Variants in RTN1 observed in about 807,000 individuals in gnomAD.
RTN1 encodes reticulon 1.
In RTN1, 25 loss-of-function variants were observed where a neutral mutation model predicts 65.5. The observed-to-expected ratio is 0.38, with a 90% confidence interval of 0.28 to 0.53. The LOEUF (loss-of-function observed/expected upper bound fraction) is 0.53. Among genes scored for constraint, RTN1 ranks in the 20% least tolerant of loss-of-function variants. The probability of loss-of-function intolerance (pLI) is 0.79; values close to 1 mark genes in which losing one functional copy is unlikely to be tolerated. For synonymous variants in RTN1, 471 were observed against 447.6 expected (o/e 1.05, Z -0.66); for missense variants, 983 against 1,025.4 (o/e 0.96, Z 0.57).
intron 1 of RTN1, among the ~76,000 whole-genome samples, chr14:59,869,570 T>C (rs1887855251): frequency 1.4e-5 from 1 of 69,970 alleles, no homozygotes; most frequent in Non-Finnish European, 2.6e-5. Flanking sequence ...CCCAGGGCAA[T>C]TTCCGGGGTG....
chr14:59,854,941 A>G (rs1887578460), intron 1 of RTN1, among the ~76,000 whole-genome samples: 1 of 152,200 alleles, frequency 6.6e-6, no homozygotes, highest in African/African-American at 2.4e-5. Context: ...TTCATAAGTA[A>G]CTTAGCTTAT....
intron 3 of RTN1, among the ~76,000 whole-genome samples, chr14:59,692,830 G>T (rs1883989075): frequency 6.6e-6 from 1 of 151,958 alleles, no homozygotes; most frequent in Admixed American, 6.6e-5. Flanking sequence ...CTACTAAAAA[G>T]GCAAAAATAA....
At chr14:59,731,184 G>A (rs1594706445) in intron 2 of RTN1, among the ~76,000 whole-genome samples, 2 of 152,178 alleles carry the variant, frequency 1.3e-5, no homozygotes, top group Admixed American at 1.3e-4. Context: ...ATAAAAAGGA[G>A]TGAAGTACTG....
At chr14:59,717,889 A>G (rs1262047500) in intron 3 of RTN1, among the ~76,000 whole-genome samples, 1 of 152,246 alleles carries the variant, frequency 6.6e-6, no homozygotes, top group Non-Finnish European at 1.5e-5. Flanking sequence ...CATAGTCCCT[A>G]GAGTAATGAT....
chr14:59,730,647 C>T lies in RTN1; in HGVS notation c.1016-2979G>A, dbSNP rs551749513. ...ATCTAGAATATATGACAAACTATTA[C>T]GACTCAATAATAAAAGGCAAGCCAA... On this transcript the variant is annotated intron_variant, in intron 2 of 8. Coordinates refer to ENST00000267484, the MANE Select transcript of RTN1 (RefSeq NM_021136.3). 9.9e-5 allele frequency among the ~76,000 whole-genome samples: 15 copies of T among 152,184 alleles called. 1 individual carries two copies. Among genetic ancestry groups the T allele is most frequent in the East Asian group, 1.9e-4 (1 of 5,190 alleles).
intron 2 of RTN1, among the ~76,000 whole-genome samples, chr14:59,740,483 T>C (rs1885095086): frequency 6.6e-6 from 1 of 152,238 alleles, no homozygotes; most frequent in South Asian, 2.1e-4. Flanking sequence ...AAGAAATATT[T>C]GTGTTTTATC....
intron 3 of RTN1, among the ~76,000 whole-genome samples, chr14:59,614,139 C>T (rs772956845): frequency 5.9e-5 from 9 of 152,116 alleles, no homozygotes; most frequent in Non-Finnish European, 1.2e-4. Context: ...GGCTGATTGG[C>T]TTTGGGTTAC....
chr14:59,618,925 A>G (rs986253681), intron 3 of RTN1, among the ~76,000 whole-genome samples: 1 of 152,226 alleles, frequency 6.6e-6, no homozygotes, highest in Non-Finnish European at 1.5e-5. Flanking sequence ...GCTTTTAAGG[A>G]ATTTTAGGTC....
intron 3 of RTN1, among the ~76,000 whole-genome samples, chr14:59,649,011 G>C (rs988020380): frequency 6.6e-6 from 1 of 151,814 alleles, no homozygotes; most frequent in African/African-American, 2.4e-5. Flanking sequence ...TTTTACTTAT[G>C]ACAAGGCTAG....
At chr14:59,714,302 A>G (rs1426571042) in intron 3 of RTN1, among the ~76,000 whole-genome samples, 1 of 152,120 alleles carries the variant, frequency 6.6e-6, no homozygotes, top group Non-Finnish European at 1.5e-5. Flanking sequence ...CATTCTAACT[A>G]TAGATCTTCT....
intron 1 of RTN1, among the ~76,000 whole-genome samples, chr14:59,842,557 T>A (rs994857746): frequency 3.9e-5 from 6 of 152,126 alleles, no homozygotes; most frequent in Non-Finnish European, 8.8e-5. Context: ...GGCTTAATTA[T>A]CTGCAGGAGC....
rs528236609 is a variant in RTN1 at position 59,746,414 on chromosome 14, C to A, written c.309G>T (p.Ser103=). 6.2e-7 allele frequency: 1 copy of A among 1,613,236 alleles called. No individual in the cohort carries two copies. Among genetic ancestry groups the A allele is most frequent in the African/African-American group, 1.3e-5 (1 of 75,024 alleles). Residue 103 remains serine, a synonymous_variant, in exon 2 of 9, where the codon TCG becomes TCT. Coordinates refer to ENST00000267484, the MANE Select transcript of RTN1 (RefSeq NM_021136.3). ...FSTTSKDGEG[S]CYTSLISDIC... ...TGTCAGAAATGAGAGATGTGTAACA[C>A]GATCCTTCCCCATCTTTTGATGTTG...
At chr14:59,854,625 G>T (rs67039607) in intron 1 of RTN1, among the ~76,000 whole-genome samples, 1 of 120,322 alleles carries the variant, frequency 8.3e-6, no homozygotes, top group Non-Finnish European at 1.6e-5. Context: ...TGGAGACAGA[G>T]CAAGACTGCG....
At position 59,840,008 on chromosome 14, in the gene RTN1, A is replaced by G. The variant is rs548513877; in HGVS notation, c.241+30382T>C. Among the ~76,000 whole-genome samples, 25 of 152,014 alleles carry G rather than the reference A, an allele frequency of 1.6e-4. No individual in the cohort carries two copies. In the South Asian group the frequency reaches 5.0e-3, roughly 30 times the overall value. The stretch of plus-strand genomic sequence containing the variant: ...TTTCCTTTTTTTTCCCTTGTCCCAA[A>G]CTTTTCCAGACAGATTTCCAGACTC... On this transcript the variant is annotated intron_variant, in intron 1 of 8. Transcript: ENST00000267484.
rs1555358582 is a variant in RTN1, at chr14:59,749,104, A to ATATC, written c.242-2624_242-2623insGATA. On this transcript the variant is annotated intron_variant, in intron 1 of 8. Coordinates refer to ENST00000267484, the MANE Select transcript of RTN1 (RefSeq NM_021136.3). ...CGCCGGGGCATCTATATATATATCT[A>ATATC]TATATATATATATATATATAGATAT... Among the ~76,000 whole-genome samples the ATATC allele has an allele frequency of 5.8e-5, 3 of 51,730 alleles. 1 individual carries two copies. Among genetic ancestry groups the ATATC allele is most frequent in the African/African-American group, 4.6e-4 (3 of 6,554 alleles). 33.9% of individuals were successfully genotyped at this position (51,730 alleles called of 152,430 possible).
intron 1 of RTN1, among the ~76,000 whole-genome samples, chr14:59,759,582 T>C (rs1411077951): frequency 2.0e-5 from 3 of 152,102 alleles, no homozygotes; most frequent in African/African-American, 7.2e-5. Flanking sequence ...CCCGGTTTCG[T>C]CTTCATCTAT....
chr14:59,710,258 G>T (rs536261154), intron 3 of RTN1, among the ~76,000 whole-genome samples: 2 of 152,146 alleles, frequency 1.3e-5, no homozygotes, highest in South Asian at 4.2e-4. Context: ...TGTTGCTAAG[G>T]CTGGTCTCAA....
intron 8 of RTN1, among the ~76,000 whole-genome samples, chr14:59,601,939 G>A (rs914061233): frequency 6.6e-6 from 1 of 152,026 alleles, no homozygotes; most frequent in Non-Finnish European, 1.5e-5. Flanking sequence ...ATTTTCATTA[G>A]GTATTGGTTA....
intron 3 of RTN1, chr14:59,630,494 C>CA: frequency 6.2e-7 from 1 of 1,613,812 alleles, no homozygotes; most frequent in Non-Finnish European, 8.5e-7. Flanking sequence ...GTGGAATCGG[C>CA]AGTGGCCTGC....
Sources: allele counts gnomAD v4.1 joint callset (sites outside exome capture counted in the v4.1 genomes callset), GRCh38; gene constraint gnomAD v4.1.1; transcripts MANE v1.5; gene names NCBI Gene and HGNC (gene_info 2026-07-23, HGNC 2026-07-21).